Variants in CACNA2D3 observed in about 807,000 individuals in gnomAD.
CACNA2D3 encodes the protein voltage-dependent calcium channel subunit alpha-2/delta-3.
A neutral mutation model predicts 160.6 loss-of-function variants in CACNA2D3; 60 were observed. The observed-to-expected ratio is 0.37, with a 90% confidence interval of 0.30 to 0.46. The LOEUF is 0.46. Ranked by LOEUF, CACNA2D3 falls within the 20% of genes least tolerant of loss-of-function variation. The pLI, the probability that CACNA2D3 is intolerant of heterozygous loss-of-function variation, is 1.00. For synonymous variants in CACNA2D3, 558 were observed against 492.9 expected, an observed-to-expected ratio of 1.13 and a Z score of -1.75; for missense variants, 1,205 against 1,365.0, an observed-to-expected ratio of 0.88 and a Z score of 1.85.
intron 3 of CACNA2D3, among the ~76,000 whole-genome samples, chr3:54,368,524 G>C (rs1421077047): frequency 1.3e-5 from 2 of 151,774 alleles, no homozygotes; most frequent in Admixed American, 6.6e-5. Context: ...GAGAGAGAGT[G>C]AGTGAGCACA....
chr3:54,435,122 G>A (rs1185104466), intron 4 of CACNA2D3, among the ~76,000 whole-genome samples: 1 of 152,134 alleles, frequency 6.6e-6, no homozygotes, highest in Non-Finnish European at 1.5e-5. Context: ...CAGCCCCAGT[G>A]TGAGTGGGAC....
chr3:54,383,020 G>C (rs1001365714), intron 3 of CACNA2D3, among the ~76,000 whole-genome samples: 2 of 151,904 alleles, frequency 1.3e-5, no homozygotes, highest in African/African-American at 4.8e-5. Flanking sequence ...GCTAATTTTT[G>C]TATTTTTTGT....
At chr3:54,506,604 A>C (rs377177832) in intron 5 of CACNA2D3, among the ~76,000 whole-genome samples, 11 of 152,116 alleles carry the variant, frequency 7.2e-5, no homozygotes, top group Middle Eastern at 3.2e-3. Context: ...TGCAGCTTCA[A>C]AGTTGGTGAT....
intron 10 of CACNA2D3, among the ~76,000 whole-genome samples, chr3:54,629,701 C>T (rs535684353): frequency 6.6e-6 from 1 of 152,308 alleles, no homozygotes; most frequent in South Asian, 2.1e-4. Context: ...CAGGTGCCTT[C>T]TTAGGGCTTG....
At chr3:54,627,467 G>T (rs1462427150) in intron 9 of CACNA2D3, among the ~76,000 whole-genome samples, 1 of 152,186 alleles carries the variant, frequency 6.6e-6, no homozygotes, top group African/African-American at 2.4e-5. Flanking sequence ...TCAGGAGCGG[G>T]AGAGTAGGGG....
chr3:54,496,910 G>A (rs1175159692), intron 4 of CACNA2D3, among the ~76,000 whole-genome samples: 2 of 151,992 alleles, frequency 1.3e-5, no homozygotes, highest in East Asian at 3.8e-4. Context: ...ACCTTTATTT[G>A]ATGTCAATTG....
chr3:54,821,458 T>G (rs1703589183), intron 14 of CACNA2D3, among the ~76,000 whole-genome samples: 1 of 152,178 alleles, frequency 6.6e-6, no homozygotes, highest in Non-Finnish European at 1.5e-5. Context: ...GACTCAGGAG[T>G]GCATAAATTA....
intron 2 of CACNA2D3, among the ~76,000 whole-genome samples, chr3:54,209,351 C>T (rs1701329483): frequency 6.6e-6 from 1 of 152,176 alleles, no homozygotes; most frequent in Non-Finnish European, 1.5e-5. Context: ...CCTCCTGGCC[C>T]TTTGTGTCTG....
chr3:54,242,903 G>T (rs562729320), intron 2 of CACNA2D3, among the ~76,000 whole-genome samples: 14 of 152,300 alleles, frequency 9.2e-5, no homozygotes, highest in African/African-American at 2.6e-4. Context: ...TTTTGCTATT[G>T]CTGCTCAGGC....
At chr3:54,392,425 G>A (rs1425868607) in intron 4 of CACNA2D3, among the ~76,000 whole-genome samples, 1 of 152,190 alleles carries the variant, frequency 6.6e-6, no homozygotes, top group African/African-American at 2.4e-5. Flanking sequence ...TGCACAGAGA[G>A]AGAAAAAAAT....
chr3:54,889,495 T>C (rs1169020405), intron 24 of CACNA2D3, among the ~76,000 whole-genome samples: 3 of 151,822 alleles, frequency 2.0e-5, no homozygotes, highest in African/African-American at 4.8e-5. Flanking sequence ...GGTAGGGAGG[T>C]TGAGCCATCA....
intron 19 of CACNA2D3, 65 bp downstream of exon 19, chr3:54,879,154 G>C: frequency 9.1e-7 from 1 of 1,099,456 alleles, no homozygotes; most frequent in Non-Finnish European, 1.3e-6. Context: ...AATTAGCTTT[G>C]AAAGCTATAT....
intron 13 of CACNA2D3, among the ~76,000 whole-genome samples, chr3:54,773,016 T>C (rs1448243516): frequency 6.6e-6 from 1 of 152,202 alleles, no homozygotes; most frequent in African/African-American, 2.4e-5. Flanking sequence ...TTTAAAATAA[T>C]GAGAATTCAT....
chr3:54,500,274 A>G (rs1701266977), intron 4 of CACNA2D3, among the ~76,000 whole-genome samples: 1 of 152,138 alleles, frequency 6.6e-6, no homozygotes, highest in South Asian at 2.1e-4. Flanking sequence ...TACTTTTAAT[A>G]TATCTGTGTC....
chr3:55,053,891 A>G (rs538759604), intron 35 of CACNA2D3, among the ~76,000 whole-genome samples: 31 of 152,080 alleles, frequency 2.0e-4, no homozygotes, highest in Non-Finnish European at 2.9e-4. Flanking sequence ...TCATTCATAT[A>G]GACCATTTAT....
At chr3:54,702,410 A>G (rs1473838951) in intron 11 of CACNA2D3, among the ~76,000 whole-genome samples, 1 of 152,206 alleles carries the variant, frequency 6.6e-6, no homozygotes. Flanking sequence ...AGGAACTTAA[A>G]CCACTCCATT....
intron 11 of CACNA2D3, among the ~76,000 whole-genome samples, chr3:54,661,325 A>C (rs1699966027): frequency 6.6e-6 from 1 of 152,098 alleles, no homozygotes; most frequent in African/African-American, 2.4e-5. Context: ...GGATCACTTT[A>C]ATTTTGCTTT....
intron 13 of CACNA2D3, among the ~76,000 whole-genome samples, chr3:54,775,140 C>G (rs1271573759): frequency 6.6e-6 from 1 of 152,146 alleles, no homozygotes; most frequent in Non-Finnish European, 1.5e-5. Context: ...AGAGATGAGA[C>G]AGACCTATGA....
intron 4 of CACNA2D3, among the ~76,000 whole-genome samples, chr3:54,442,562 T>G (rs1468317168): frequency 6.6e-6 from 1 of 152,194 alleles, no homozygotes; most frequent in Non-Finnish European, 1.5e-5. Context: ...AAGATCTTAC[T>G]TGTTTAAGCC....
Sources: gnomAD v4.1 joint callset for allele counts (sites outside exome capture counted in the v4.1 genomes callset) on GRCh38, gnomAD v4.1.1 for gene constraint, MANE v1.5 for transcripts, NCBI Gene and HGNC (gene_info 2026-07-23, HGNC 2026-07-21) for gene names.